NELL1: variants seen among roughly 807,000 people sequenced by gnomAD.
NELL1 encodes neural EGFL like 1.
NELL1 carries 76 observed loss-of-function variants against 107.4 expected under a neutral mutation model. The observed-to-expected ratio is 0.71, with a 90% confidence interval of 0.59 to 0.86. The LOEUF is 0.86. Among genes scored for constraint, NELL1 ranks in the 40% least tolerant of loss-of-function variants. The pLI, the probability that NELL1 is intolerant of heterozygous loss-of-function variation, is 0.00. For missense variants in NELL1, 1,024 were observed against 1,005.5 expected (o/e 1.02, Z -0.25); for synonymous variants, 353 against 341.2 (o/e 1.03, Z -0.38).
chr11:20,938,908 G>GTC (rs71443766), intron 10 of NELL1, among the ~76,000 whole-genome samples: 1,706 of 144,586 alleles, frequency 0.012, 21 homozygotes, highest in African/African-American at 0.025. Flanking sequence ...TTCTCTCTCT[G>GTC]TCTCTCTCTC....
chr11:21,170,842 CCTT>C (rs1415950413), intron 13 of NELL1, among the ~76,000 whole-genome samples: 5 of 151,558 alleles, frequency 3.3e-5, no homozygotes, highest in South Asian at 2.1e-4. Context: ...TTGCTATAAT[CCTT>C]CTTGATTTAT....
At chr11:20,961,573 T>G (rs1351640549) in intron 12 of NELL1, among the ~76,000 whole-genome samples, 1 of 152,214 alleles carries the variant, frequency 6.6e-6, no homozygotes, top group African/African-American at 2.4e-5. Flanking sequence ...AAGACAGTAT[T>G]AACTGATGAT....
At chr11:21,474,376 G>T (rs1043975514) in intron 15 of NELL1, among the ~76,000 whole-genome samples, 10 of 150,872 alleles carry the variant, frequency 6.6e-5, no homozygotes, top group Non-Finnish European at 1.0e-4. Flanking sequence ...TTAGCTGTCT[G>T]TGTTCCCTTT....
intron 2 of NELL1, among the ~76,000 whole-genome samples, chr11:20,706,986 A>G (rs531385825): frequency 9.2e-5 from 14 of 152,134 alleles, no homozygotes; most frequent in Non-Finnish European, 1.8e-4. Flanking sequence ...CACTCTCCCC[A>G]TCATTTTTAG....
At chr11:20,889,142 G>T (rs1181451307) in intron 5 of NELL1, among the ~76,000 whole-genome samples, 1 of 152,042 alleles carries the variant, frequency 6.6e-6, no homozygotes, top group Admixed American at 6.6e-5. Context: ...GGCCACATCA[G>T]CAACCTATTA....
intron 15 of NELL1, among the ~76,000 whole-genome samples, chr11:21,478,370 C>G (rs1854402650): frequency 6.6e-6 from 1 of 152,140 alleles, no homozygotes; most frequent in African/African-American, 2.4e-5. Flanking sequence ...ATCTCATGTC[C>G]TTTTCACATT....
intron 15 of NELL1, among the ~76,000 whole-genome samples, chr11:21,458,540 A>G (rs1035585093): frequency 6.6e-6 from 1 of 152,206 alleles, no homozygotes; most frequent in African/African-American, 2.4e-5. Context: ...TGTAAATGTT[A>G]TTTTCAAAGA....
rs1176507447 is a variant in NELL1, at chr11:21,099,218, C to CACAA, written c.1301-14368_1301-14367insAACA. Among the ~76,000 whole-genome samples, 1,371 of 142,964 alleles carry CACAA rather than the reference C, an allele frequency of 9.6e-3. 14 individuals are homozygous for CACAA. Among genetic ancestry groups the CACAA allele is most frequent in the South Asian group, 0.085 (367 of 4,316 alleles). The allele number at this position is 142,964 out of a possible 152,430, so 93.8% of individuals were successfully genotyped here. A position where few individuals can be genotyped will look rare whatever the true frequency, so the allele number is the denominator to read the frequency against. Reference sequence around the variant, plus strand: ...ACACACACACACACACACACACACACACACACACACACACAAACACACACA... The same window carrying CACAA: ...ACACACACACACACACACACACACACACAAACACACACACACACAAACACACACA... On this transcript the variant is annotated intron_variant, in intron 12 of 19. Coordinates refer to ENST00000357134, the MANE Select transcript of NELL1 (RefSeq NM_006157.5).
Position 21,175,012 on chromosome 11 carries a change from A to G in NELL1, c.1427-54320A>G, listed in dbSNP as rs535980625. 1.4e-3 allele frequency among the ~76,000 whole-genome samples: 210 copies of G among 151,938 alleles called. 12 individuals carry two copies. Among genetic ancestry groups the G allele is most frequent in the African/African-American group, 4.8e-3 (197 of 41,252 alleles). On this transcript the variant is annotated intron_variant, in intron 13 of 19. Coordinates refer to ENST00000357134, the MANE Select transcript of NELL1 (RefSeq NM_006157.5). ...ATCTCCCATACAAACAGGGCAGGCCAGGACAAACATGACCTAAAACAATGT... is the reference window on the plus strand; with the variant it reads ...ATCTCCCATACAAACAGGGCAGGCCGGGACAAACATGACCTAAAACAATGT...
At chr11:21,353,448 C>T (rs867023252) in intron 14 of NELL1, among the ~76,000 whole-genome samples, 4 of 152,236 alleles carry the variant, frequency 2.6e-5, no homozygotes, top group South Asian at 2.1e-4. Context: ...TCTGTTTTTC[C>T]ACAGACTATG....
chr11:21,500,417 T>C (rs1435106582), intron 15 of NELL1, among the ~76,000 whole-genome samples: 1 of 152,168 alleles, frequency 6.6e-6, no homozygotes, highest in Non-Finnish European at 1.5e-5. Flanking sequence ...TGAGATCTAA[T>C]GATTATGTAC....
At chr11:20,826,687 G>A (rs1219664089) in intron 3 of NELL1, among the ~76,000 whole-genome samples, 2 of 151,068 alleles carry the variant, frequency 1.3e-5, no homozygotes, top group Non-Finnish European at 3.0e-5. Flanking sequence ...ATCACCCAAA[G>A]GCTGACCTAT....
chr11:20,917,700 C>T (rs1850286707), intron 5 of NELL1, among the ~76,000 whole-genome samples: 1 of 151,922 alleles, frequency 6.6e-6, no homozygotes, highest in African/African-American at 2.4e-5. Context: ...TCAACAAAGA[C>T]TCATGTTACT....
chr11:20,823,283 A>G (rs1352060644), intron 3 of NELL1, among the ~76,000 whole-genome samples: 1 of 151,280 alleles, frequency 6.6e-6, no homozygotes, highest in Non-Finnish European at 1.5e-5. Context: ...TGATAAAACC[A>G]TCAGATCTCG....
At chr11:21,159,424 T>C (rs1188130341) in intron 13 of NELL1, among the ~76,000 whole-genome samples, 1 of 152,234 alleles carries the variant, frequency 6.6e-6, no homozygotes. Context: ...TCTAAGATCC[T>C]GCCTTAGGAA....
At chr11:21,366,809 T>A (rs1851232771) in intron 14 of NELL1, among the ~76,000 whole-genome samples, 1 of 152,112 alleles carries the variant, frequency 6.6e-6, no homozygotes, top group South Asian at 2.1e-4. Context: ...AATTTGTATG[T>A]TTACTTACTG....
chr11:21,328,116 C>T (rs1565170341), intron 14 of NELL1, among the ~76,000 whole-genome samples: 1 of 152,096 alleles, frequency 6.6e-6, no homozygotes. Flanking sequence ...GAAAATGTCT[C>T]CAGGGGTTAT....
chr11:21,553,363 A>C (rs1856635989), intron 16 of NELL1, among the ~76,000 whole-genome samples: 1 of 151,816 alleles, frequency 6.6e-6, no homozygotes, highest in South Asian at 2.1e-4. Context: ...ATACTCATTA[A>C]GGGAGAGCAG....
intron 14 of NELL1, among the ~76,000 whole-genome samples, chr11:21,364,919 TGA>T (rs1851182022): frequency 6.6e-6 from 1 of 152,194 alleles, no homozygotes; most frequent in Non-Finnish European, 1.5e-5. Flanking sequence ...CACCTCAGTG[TGA>T]GTTATAAACA....
Sources: gnomAD v4.1 joint callset for allele counts (sites outside exome capture counted in the v4.1 genomes callset) on GRCh38, gnomAD v4.1.1 for gene constraint, MANE v1.5 for transcripts, NCBI Gene and HGNC (gene_info 2026-07-23, HGNC 2026-07-21) for gene names.